TLK1: variants seen among roughly 807,000 people sequenced by gnomAD.
TLK1 encodes the protein serine/threonine-protein kinase tousled-like 1.
Under a neutral mutation model 105.3 loss-of-function variants are expected in TLK1, and 24 were observed. The ratio of observed to expected loss-of-function variants is 0.23; its 90% CI spans 0.17 to 0.32. The LOEUF (loss-of-function observed/expected upper bound fraction) is 0.32. Ranked by LOEUF, TLK1 falls within the 10% of genes least tolerant of loss-of-function variation. The pLI is 1.00. For missense variants in TLK1, 558 were observed against 910.5 expected (o/e 0.61, Z 4.98); for synonymous variants, 321 against 310.4 (o/e 1.03, Z -0.36).
chr2:171,098,072 G>A (rs1350166213), intron 2 of TLK1, among the ~76,000 whole-genome samples: 1 of 152,146 alleles, frequency 6.6e-6, no homozygotes, highest in South Asian at 2.1e-4. Flanking sequence ...CAATGAAGCA[G>A]AGAGTACAAC....
At chr2:171,128,409 A>G (rs374840986) in intron 1 of TLK1, among the ~76,000 whole-genome samples, 4 of 152,312 alleles carry the variant, frequency 2.6e-5, no homozygotes, top group Admixed American at 1.3e-4. Flanking sequence ...ATAAAAGTAC[A>G]TACCTTATAG....
chr2:171,223,239 G>A (rs555306829), intron 1 of TLK1, among the ~76,000 whole-genome samples: 1 of 152,144 alleles, frequency 6.6e-6, no homozygotes, highest in Admixed American at 6.5e-5. Context: ...TTGCCATAGT[G>A]ATTGTACTAA....
In TLK1 at chr2:171,186,907, A is replaced by T. The variant is rs1056776890; in HGVS notation, c.-6+44238T>A. 2.0e-5 allele frequency among the ~76,000 whole-genome samples: 3 copies of T among 151,668 alleles called. No individual in the cohort carries two copies. In the East Asian group the frequency reaches 5.8e-4, roughly 29 times the overall value. ...ACCCCATCTCTACTAAAAATACAAA[A>T]ATTGGCTGGGCGTGGTGGCGGTTGC... On this transcript the variant is annotated intron_variant, in intron 1 of 20. Coordinates refer to the TLK1 transcript ENST00000521943.
At chr2:171,154,166 C>G (rs1692147270) in intron 1 of TLK1, among the ~76,000 whole-genome samples, 1 of 151,906 alleles carries the variant, frequency 6.6e-6, no homozygotes, top group Non-Finnish European at 1.5e-5. Context: ...GGATTACAGG[C>G]CTGAGACATA....
At chr2:171,178,793 T>C (rs1692877613) in intron 1 of TLK1, among the ~76,000 whole-genome samples, 1 of 152,248 alleles carries the variant, frequency 6.6e-6, no homozygotes, top group South Asian at 2.1e-4. Context: ...GAAATTTAAA[T>C]GTTAGTTTAG....
At chr2:171,037,930 A>C (rs1017085023) in intron 11 of TLK1, among the ~76,000 whole-genome samples, 1 of 152,206 alleles carries the variant, frequency 6.6e-6, no homozygotes, top group African/African-American at 2.4e-5. Flanking sequence ...AAAGACTGGC[A>C]CTATTTCATC....
intron 2 of TLK1, among the ~76,000 whole-genome samples, chr2:171,084,209 C>T (rs1395479750): frequency 1.3e-5 from 2 of 151,974 alleles, no homozygotes; most frequent in Non-Finnish European, 2.9e-5. Context: ...AAACAGCCAA[C>T]AAGTTAGGTA....
At chr2:171,079,539 T>C (rs992240123) in intron 3 of TLK1, among the ~76,000 whole-genome samples, 1 of 152,228 alleles carries the variant, frequency 6.6e-6, no homozygotes, top group Non-Finnish European at 1.5e-5. Flanking sequence ...ACTGAAAATA[T>C]CCTGAATTTT....
intron 1 of TLK1, among the ~76,000 whole-genome samples, chr2:171,128,046 T>C (rs1262924453): frequency 6.6e-6 from 1 of 152,174 alleles, no homozygotes; most frequent in Non-Finnish European, 1.5e-5. Context: ...TCTAGAATCA[T>C]TCCAAGTCAG....
At chr2:171,217,194 A>G (rs905228176) in intron 1 of TLK1, among the ~76,000 whole-genome samples, 1 of 152,208 alleles carries the variant, frequency 6.6e-6, no homozygotes, top group Admixed American at 6.5e-5. Context: ...CACATTATAG[A>G]TGCTTAATAA....
At chr2:170,997,908 A>G (rs1403768493) in intron 18 of TLK1, 85 bp from the exon 19 acceptor site, 23 of 734,864 alleles carry the variant, frequency 3.1e-5, no homozygotes, top group Non-Finnish European at 4.4e-5. Context: ...TAGAACACGA[A>G]TTTTATTCAT....
intron 12 of TLK1, among the ~76,000 whole-genome samples, chr2:171,016,809 C>T (rs1051265258): frequency 1.3e-5 from 2 of 152,070 alleles, no homozygotes; most frequent in Non-Finnish European, 2.9e-5. Context: ...TCACATTACT[C>T]CTAAGGTTAT....
At chr2:171,148,132 C>T (rs1365131317) in intron 1 of TLK1, among the ~76,000 whole-genome samples, 2 of 152,072 alleles carry the variant, frequency 1.3e-5, no homozygotes, top group Non-Finnish European at 2.9e-5. Flanking sequence ...CCTCATGATC[C>T]GCCCACCTCG....
intron 18 of TLK1, among the ~76,000 whole-genome samples, chr2:170,999,135 T>A (rs1266779601): frequency 6.6e-6 from 1 of 152,176 alleles, no homozygotes; most frequent in African/African-American, 2.4e-5. Flanking sequence ...AAAAGATCCA[T>A]CACAAGGATG....
At chr2:171,116,946 CTAAA>C (rs1455749830) in intron 2 of TLK1, among the ~76,000 whole-genome samples, 3 of 152,020 alleles carry the variant, frequency 2.0e-5, no homozygotes, top group Non-Finnish European at 4.4e-5. Flanking sequence ...GGAAAACATC[CTAAA>C]TAAATGGTCA....
chr2:171,157,963 G>A (rs1692303312), intron 1 of TLK1, among the ~76,000 whole-genome samples: 1 of 152,150 alleles, frequency 6.6e-6, no homozygotes, highest in African/African-American at 2.4e-5. Flanking sequence ...CTTACTAGCA[G>A]TAACTAGCAG....
chr2:171,082,932 C>A, intron 2 of TLK1, 80 bp from the exon 3 acceptor site: 1 of 928,214 alleles, frequency 1.1e-6, no homozygotes, highest in Admixed American at 2.2e-5. Flanking sequence ...AAACATATTA[C>A]AAAGTAGATA....
chr2:171,029,098 A>C (rs1167332721), intron 11 of TLK1, among the ~76,000 whole-genome samples: 1 of 152,206 alleles, frequency 6.6e-6, no homozygotes, highest in Non-Finnish European at 1.5e-5. Context: ...AGATGTAGTC[A>C]AAAGGGTTGT....
At chr2:171,063,172 C>A (rs1393820738) in intron 3 of TLK1, among the ~76,000 whole-genome samples, 1 of 151,918 alleles carries the variant, frequency 6.6e-6, no homozygotes, top group African/African-American at 2.4e-5. Flanking sequence ...ATGGTGAAAC[C>A]CTGACTCTAC....
Sources: allele counts gnomAD v4.1 joint callset (sites outside exome capture counted in the v4.1 genomes callset), GRCh38; gene constraint gnomAD v4.1.1; transcripts MANE v1.5; gene names NCBI Gene and HGNC (gene_info 2026-07-23, HGNC 2026-07-21).